SH2D5: variants seen among roughly 807,000 people sequenced by gnomAD.
The protein encoded by SH2D5 is SH2 domain-containing protein 5.
A neutral mutation model predicts 48.2 loss-of-function variants in SH2D5; 45 were observed. The ratio of observed to expected loss-of-function variants is 0.93; its 90% CI spans 0.73 to 1.20. SH2D5 has a LOEUF of 1.20. SH2D5 is among the 50% of genes most tolerant of loss of function. The probability of loss-of-function intolerance (pLI) is 0.00; values close to 1 mark genes in which losing one functional copy is unlikely to be tolerated. For missense variants in SH2D5, 538 were observed against 584.1 expected, an observed-to-expected ratio of 0.92 and a Z score of 0.81; for synonymous variants, 230 against 249.8, an observed-to-expected ratio of 0.92 and a Z score of 0.75.
At chr1:20,731,059 C>A (rs900038) in intron 1 of SH2D5, 20,872 of 152,416 alleles carry the variant, frequency 0.14, 2,613 homozygotes, top group East Asian at 0.71. Flanking sequence ...AAATCCATGT[C>A]TCTGGAGCTG....
rs201453968 is a variant in SH2D5, at chr1:20,727,635, G to A, written c.88-32C>T. The A allele has an allele frequency of 6.2e-5, 97 of 1,572,402 alleles. 1 individual carries two copies. In the East Asian group the frequency reaches 2.1e-3, roughly 33 times the overall value. On this transcript the variant is annotated intron_variant, in intron 2 of 9. Coordinates refer to ENST00000444387, the MANE Select transcript of SH2D5 (RefSeq NM_001103161.2). ...GGCAGTGGGGTGAAGGGAGTAAGGC[G>A]GGGAGTCAGGCCCGTGGCTCCTAAC...
chr1:20,725,335 G>A (rs1016432605), intron 5 of SH2D5, among the ~76,000 whole-genome samples: 8 of 152,232 alleles, frequency 5.3e-5, no homozygotes, highest in Non-Finnish European at 8.8e-5. Context: ...CAAACCCAGC[G>A]TCTGCCTGCC....
At position 20,723,691 on chromosome 1, in the gene SH2D5, G is replaced by A; in HGVS notation, c.843C>T (p.His281=). The A allele has an allele frequency of 6.2e-7, 1 of 1,613,106 alleles. No homozygotes were observed. The highest frequency in any genetic ancestry group is 8.5e-7 in the Non-Finnish European group (1 of 1,180,002). The change falls in exon 8 of 10, where the codon CAC becomes CAT. Residue 281 remains histidine (H), a synonymous_variant. Transcript: ENST00000444387. ...WEAWPRGPGG[H]SCLVESEGSL... ...TGCCCTCGCTCTCCACCAGGCACGA[G>A]TGGCCACCAGGACCCCGGGGCCATG...
intron 4 of SH2D5, among the ~76,000 whole-genome samples, chr1:20,726,393 G>A (rs751253153): frequency 2.6e-5 from 4 of 152,156 alleles, no homozygotes; most frequent in Non-Finnish European, 5.9e-5. Context: ...CTGTTGTGAC[G>A]TGTCAGGTAG....
chr1:20,727,461 G>T (rs769897246), intron 3 of SH2D5, 62 bp downstream of exon 3: 1 of 1,448,706 alleles, frequency 6.9e-7, no homozygotes, highest in Non-Finnish European at 9.5e-7. Context: ...TCTGGTCTAG[G>T]GGGTTACCTG....
At chr1:20,724,766 G>A (rs2054764266) in intron 5 of SH2D5, 131 bp from the exon 6 acceptor site, 1 of 1,184,296 alleles carries the variant, frequency 8.4e-7, no homozygotes, top group East Asian at 2.6e-5. Flanking sequence ...CATTCTTCCT[G>A]GGAAAGCTCC....
In SH2D5 at chr1:20,721,918, G is replaced by T. The variant is rs2054694587; in HGVS notation, c.1146C>A (p.Pro382=). 1.9e-6 allele frequency: 3 copies of T among 1,613,106 alleles called. No homozygotes were observed. Among genetic ancestry groups the T allele is most frequent in the Non-Finnish European group, 2.5e-6 (3 of 1,180,000 alleles). The change falls in exon 10 of 10, where the codon CCC becomes CCA. Residue 382 remains proline, a synonymous_variant. Transcript: ENST00000444387. The part of the protein sequence containing the change: ...HAVTERSLFC[P]LDMGRLNPTY... ...TGGGGTTCAGGCGGCCCATGTCGAG[G>T]GGACAGAAGAGGCTACGTTCAGTAA... is the stretch of plus-strand genomic sequence containing the variant.
chr1:20,727,805 G>C (rs2054831505), intron 2 of SH2D5, among the ~76,000 whole-genome samples, 153 bp downstream of exon 2: 1 of 152,234 alleles, frequency 6.6e-6, no homozygotes, highest in Non-Finnish European at 1.5e-5. Flanking sequence ...TGAAGTCCCA[G>C]TCCCTCATCG....
In SH2D5 at chr1:20,722,044, G is replaced by A. The variant is rs367586854; in HGVS notation, c.1069-49C>T. On this transcript the variant is annotated intron_variant, in intron 9 of 9. Transcript: ENST00000444387. ...TCCAGTCCCCTTCCCCAGGGCTCAC[G>A]CCAGGCACCAGCCACCCGCTCCCAC... 439 of 1,559,066 alleles carry A rather than the reference G, an allele frequency of 2.8e-4. 1 individual carries two copies. In the African/African-American group the frequency reaches 4.9e-3, roughly 18 times the overall value.
chr1:20,724,333 C>G, intron 6 of SH2D5, 63 bp downstream of exon 6: 1 of 1,598,624 alleles, frequency 6.3e-7, no homozygotes, highest in Non-Finnish European at 8.5e-7. Context: ...CCCTGACATG[C>G]CCCCCAAACC....
intron 2 of SH2D5, 139 bp downstream of exon 2, chr1:20,727,819 C>A: frequency 1.2e-6 from 1 of 860,418 alleles, no homozygotes. Context: ...CTCATCGGGG[C>A]ACACACACAC....
In SH2D5 at chr1:20,728,982, A is replaced by C. The variant is rs1472895302; in HGVS notation, c.-42-896T>G. On this transcript the variant is annotated intron_variant, in intron 1 of 9. Transcript: ENST00000444387. The surrounding 1 kb of genome is among the most constrained non-coding windows in gnomAD (Gnocchi z 4.3). ...CAGACAGTGCGCTGATGCAGACAGG[A>C]TGTGGGGAAGGAGGACAACTGCCCT... 6.6e-6 allele frequency among the ~76,000 whole-genome samples: 1 copy of C among 151,636 alleles called. No individual in the cohort carries two copies. The highest frequency in any genetic ancestry group is 1.5e-5 in the Non-Finnish European group (1 of 67,934).
At chr1:20,726,922 T>G in intron 4 of SH2D5, 79 bp downstream of exon 4, 1 of 1,254,816 alleles carries the variant, frequency 8.0e-7, no homozygotes, top group Non-Finnish European at 1.1e-6. Context: ...GGCCAGGACC[T>G]AGGCAGAGGA....
At chr1:20,727,724 A>AGCTC (rs1354333507) in intron 2 of SH2D5, 121 bp from the exon 3 acceptor site, 1 of 1,038,700 alleles carries the variant, frequency 9.6e-7, no homozygotes, top group Non-Finnish European at 1.4e-6. Flanking sequence ...GGACAGACAG[A>AGCTC]GCTCGATTCT....
chr1:20,731,852 G>A (rs2054917261), intron 1 of SH2D5, among the ~76,000 whole-genome samples: 1 of 152,192 alleles, frequency 6.6e-6, no homozygotes, highest in East Asian at 1.9e-4. Context: ...AGCGTGCTGG[G>A]CTCCGCTGCA....
intron 4 of SH2D5, 117 bp from the exon 5 acceptor site, chr1:20,726,183 C>T: frequency 1.2e-5 from 15 of 1,281,096 alleles, no homozygotes; most frequent in Non-Finnish European, 1.6e-5. Flanking sequence ...AGTCTCAAGC[C>T]CTCATCCTTC....
At chr1:20,722,042 A>G (rs1352186936) in intron 9 of SH2D5, 47 bp from the exon 10 acceptor site, 3 of 1,564,540 alleles carry the variant, frequency 1.9e-6, no homozygotes, top group South Asian at 1.1e-5. Flanking sequence ...CCCAGGGCTC[A>G]CGCCAGGCAC....
chr1:20,722,751 C>T lies in SH2D5; in HGVS notation c.1068+5G>A, dbSNP rs372617285. 16 of 1,481,770 alleles carry T rather than the reference C, an allele frequency of 1.1e-5. No individual in the cohort carries two copies. Among genetic ancestry groups the T allele is most frequent in the African/African-American group, 1.4e-5 (1 of 70,710 alleles). The allele number at this position is 1,481,770 out of a possible 1,614,324, so 91.8% of individuals were successfully genotyped here. ...CCCAGGCCCCTCTGGCTGCTGCGCT[C>T]TTACCTCCAAGCAGTAGCGGCCCAG... On this transcript the variant is annotated splice_donor_5th_base_variant and intron_variant, in intron 9 of 9. Transcript: ENST00000444387.
Position 20,728,897 on chromosome 1 carries a change from G to A in SH2D5, c.-42-811C>T, listed in dbSNP as rs1326470254. On this transcript the variant is annotated intron_variant, in intron 1 of 9. Coordinates refer to ENST00000444387, the MANE Select transcript of SH2D5 (RefSeq NM_001103161.2). The surrounding 1 kb of genome is among the most constrained non-coding windows in gnomAD (Gnocchi z 4.3). ...GACCCTGCCTCACTCAGCCCAAACA[G>A]ACCCCAGCCCCTTCCTGAACCCCCC... Among the ~76,000 whole-genome samples the A allele has an allele frequency of 6.6e-6, 1 of 152,128 alleles. No homozygotes were observed. Among genetic ancestry groups the A allele is most frequent in the Admixed American group, 6.5e-5 (1 of 15,286 alleles).
Sources: gnomAD v4.1 joint callset for allele counts (sites outside exome capture counted in the v4.1 genomes callset) on GRCh38, gnomAD v4.1.1 for gene constraint, Gnocchi (gnomAD v3.1) non-coding constraint, MANE v1.5 for transcripts, NCBI Gene and HGNC (gene_info 2026-07-23, HGNC 2026-07-21) for gene names.